Variants in MIA2 observed in about 807,000 individuals in gnomAD.
MIA2 encodes melanoma inhibitory activity protein 2.
A neutral mutation model predicts 167.8 loss-of-function variants in MIA2; 127 were observed. The ratio of observed to expected loss-of-function variants is 0.76; its 90% CI spans 0.66 to 0.88. MIA2 has a LOEUF of 0.88. Ranked by LOEUF, MIA2 falls within the 40% of genes least tolerant of loss-of-function variation. MIA2 has a pLI of 0.00. For synonymous variants in MIA2, 552 were observed against 541.9 expected (o/e 1.02, Z -0.26); for missense variants, 1,690 against 1,624.7 (o/e 1.04, Z -0.69).
intron 28 of MIA2, among the ~76,000 whole-genome samples, chr14:39,349,865 T>A (rs767017807): frequency 4.6e-5 from 7 of 152,156 alleles, no homozygotes; most frequent in Non-Finnish European, 7.4e-5. Context: ...AAAAAACAGG[T>A]GTTAAGATAG....
chr14:39,387,401 C>T (rs1055563245), exon 24 of MIA2: 1 of 154,002 alleles, frequency 6.5e-6, no homozygotes, highest in Admixed American at 6.5e-5. Flanking sequence ...GAAGAGGTCA[C>T]CGCATATGTG....
intron 23 of MIA2, among the ~76,000 whole-genome samples, chr14:39,380,250 A>G (rs2075127306): frequency 6.6e-6 from 1 of 152,212 alleles, no homozygotes; most frequent in South Asian, 2.1e-4. Context: ...CTCCAAGGGG[A>G]GAGAAAGCTG....
At chr14:39,267,497 G>A (rs752179503) in intron 6 of MIA2, 2 of 1,613,640 alleles carry the variant, frequency 1.2e-6, no homozygotes, top group South Asian at 1.1e-5. Context: ...CCGTATTTGG[G>A]GCTGCTCCTG....
chr14:39,323,249 G>A (rs1410820556), intron 24 of MIA2, among the ~76,000 whole-genome samples: 1 of 151,996 alleles, frequency 6.6e-6, no homozygotes, highest in Non-Finnish European at 1.5e-5. Flanking sequence ...AGTCCCCCCA[G>A]TAGATTGGGC....
intron 25 of MIA2, among the ~76,000 whole-genome samples, chr14:39,329,433 A>C (rs143716332): frequency 6.6e-6 from 1 of 152,172 alleles, no homozygotes; most frequent in Non-Finnish European, 1.5e-5. Flanking sequence ...CTCTCTTCCT[A>C]TATGAATACC....
intron 9 of MIA2, among the ~76,000 whole-genome samples, chr14:39,281,535 T>C (rs891394300): frequency 1.3e-5 from 2 of 152,130 alleles, no homozygotes; most frequent in African/African-American, 4.8e-5. Flanking sequence ...TGGCTCTTTT[T>C]GTAGTTCTTT....
chr14:39,237,503 G>A (rs1211508520), intron 2 of MIA2, among the ~76,000 whole-genome samples: 1 of 152,144 alleles, frequency 6.6e-6, no homozygotes, highest in African/African-American at 2.4e-5. Flanking sequence ...AACCCTTAAT[G>A]TATTTAAACA....
In MIA2 at chr14:39,240,614, G is replaced by C; in HGVS notation, c.303G>C (p.Val101=). Residue 101 remains valine (V), a synonymous_variant, in exon 3 of 29, where the codon GTG becomes GTC. Transcript: ENST00000640607. The part of the protein sequence containing the change: ...FPRDAVQIEE[V]FISEEIQMST... Reference sequence around the variant, plus strand: ...GAGATGCAGTCCAGATTGAAGAGGTGTTCATATCTGAGGAAATTCAGATGT... The same window carrying C: ...GAGATGCAGTCCAGATTGAAGAGGTCTTCATATCTGAGGAAATTCAGATGT... 1.2e-6 allele frequency: 2 copies of C among 1,613,026 alleles called. No individual in the cohort carries two copies. The highest frequency in any genetic ancestry group is 1.7e-6 in the Non-Finnish European group (2 of 1,179,258).
chr14:39,349,743 TA>T (rs1297711163), intron 28 of MIA2, among the ~76,000 whole-genome samples: 1 of 152,202 alleles, frequency 6.6e-6, no homozygotes, highest in Non-Finnish European at 1.5e-5. Context: ...ATACGAATTT[TA>T]AGTTTGTTGA....
chr14:39,259,177 C>G (rs544790277), intron 6 of MIA2, among the ~76,000 whole-genome samples: 1 of 152,370 alleles, frequency 6.6e-6, no homozygotes, highest in East Asian at 1.9e-4. Context: ...ACGATTAAAT[C>G]CACAGAAGCT....
chr14:39,307,627 T>G (rs963012957), intron 17 of MIA2, among the ~76,000 whole-genome samples: 1 of 152,106 alleles, frequency 6.6e-6, no homozygotes, highest in African/African-American at 2.4e-5. Flanking sequence ...CTTGAACTCC[T>G]GGCCTCAAGT....
chr14:39,356,239 T>C (rs1259726805), downstream of MIA2, among the ~76,000 whole-genome samples: 4 of 152,342 alleles, frequency 2.6e-5, no homozygotes, highest in East Asian at 1.9e-4. Flanking sequence ...GAGCCTGTTA[T>C]TGGTCTATTC....
At chr14:39,279,771 G>A (rs563609129) in intron 9 of MIA2, among the ~76,000 whole-genome samples, 1 of 152,226 alleles carries the variant, frequency 6.6e-6, no homozygotes, top group East Asian at 1.9e-4. Context: ...TGATGAGGTC[G>A]AGCACACAAA....
chr14:39,279,555 A>C lies in MIA2; in HGVS notation c.2130+18A>C, dbSNP rs1361459821. The C allele has an allele frequency of 6.6e-7, 1 of 1,505,750 alleles. No individual in the cohort carries two copies. The highest frequency in any genetic ancestry group is 1.2e-5 in the South Asian group (1 of 84,392). The allele number at this position is 1,505,750 out of a possible 1,614,324, so 93.3% of individuals were successfully genotyped here. ...AAAAAGAGGTAAGATATTTTTGAAA[A>C]TAATATTCATGTTAGAGTCAGAGAA... is the stretch of plus-strand genomic sequence containing the variant. On this transcript the variant is annotated intron_variant, in intron 9 of 28. Coordinates refer to ENST00000640607, the MANE Select transcript of MIA2 (RefSeq NM_001329214.4).
rs200128677 is a variant in MIA2, at chr14:39,253,208, C to T, written c.1887+37C>T. 2.5e-4 allele frequency: 405 copies of T among 1,602,104 alleles called. No homozygotes were observed. Among genetic ancestry groups the T allele is most frequent in the Middle Eastern group, 9.9e-4 (6 of 6,052 alleles). On this transcript the variant is annotated intron_variant, in intron 6 of 28. Coordinates refer to ENST00000640607, the MANE Select transcript of MIA2 (RefSeq NM_001329214.4). ...TTTTAAACCTTTTGCAATAATTTTACCTATTTTGCTAAATATAAGAGTGGC... is the reference window on the plus strand; with the variant it reads ...TTTTAAACCTTTTGCAATAATTTTATCTATTTTGCTAAATATAAGAGTGGC...
chr14:39,369,653 A>G (rs2074895162), intron 23 of MIA2, among the ~76,000 whole-genome samples: 1 of 151,986 alleles, frequency 6.6e-6, no homozygotes, highest in Admixed American at 6.5e-5. Context: ...TTTTACTGTT[A>G]TGGGATTTCA....
chr14:39,370,531 C>T, intron 23 of MIA2: 1 of 338,768 alleles, frequency 3.0e-6, no homozygotes, highest in Admixed American at 3.0e-5. Flanking sequence ...GTCATGGAGA[C>T]TGCGCAGTTG....
chr14:39,329,614 T>G (rs11848868), intron 25 of MIA2, among the ~76,000 whole-genome samples: 1 of 151,384 alleles, frequency 6.6e-6, no homozygotes, highest in African/African-American at 2.4e-5. Context: ...ATAGCTCTTA[T>G]TATTTTGAGA....
At chr14:39,319,532 A>G (rs994491512) in intron 23 of MIA2, among the ~76,000 whole-genome samples, 5 of 152,020 alleles carry the variant, frequency 3.3e-5, no homozygotes, top group African/African-American at 9.6e-5. Flanking sequence ...AAGATGATAC[A>G]TATTTAGTAC....
Sources: gnomAD v4.1 joint callset for allele counts (sites outside exome capture counted in the v4.1 genomes callset) on GRCh38, gnomAD v4.1.1 for gene constraint, MANE v1.5 for transcripts, NCBI Gene and HGNC (gene_info 2026-07-23, HGNC 2026-07-21) for gene names.